Variants in RBM33 observed in about 807,000 individuals in gnomAD.
The protein encoded by RBM33 is RNA-binding protein 33.
In RBM33, 28 loss-of-function variants were observed where a neutral mutation model predicts 132.6. The ratio of observed to expected loss-of-function variants is 0.21; its 90% CI spans 0.16 to 0.29. The LOEUF (loss-of-function observed/expected upper bound fraction) is 0.29. Ranked by LOEUF, RBM33 falls within the 10% of genes least tolerant of loss-of-function variation. The pLI is 1.00. For synonymous variants in RBM33, 634 were observed against 593.0 expected, an observed-to-expected ratio of 1.07 and a Z score of -1.01; for missense variants, 1,291 against 1,518.5, an observed-to-expected ratio of 0.85 and a Z score of 2.49.
intron 3 of RBM33, among the ~76,000 whole-genome samples, chr7:155,675,461 T>A (rs7802190): frequency 6.6e-6 from 1 of 152,072 alleles, no homozygotes; most frequent in African/African-American, 2.4e-5. Context: ...CCCTAGTCAC[T>A]CCTGTGTACA....
chr7:155,656,308 A>C (rs1034251865), intron 1 of RBM33, among the ~76,000 whole-genome samples: 2 of 152,222 alleles, frequency 1.3e-5, no homozygotes, highest in African/African-American at 4.8e-5. Context: ...TGACCACTGC[A>C]TGGTGGCACA....
chr7:155,686,843 T>A (rs1585437720), intron 5 of RBM33, among the ~76,000 whole-genome samples: 1 of 152,306 alleles, frequency 6.6e-6, no homozygotes, highest in East Asian at 1.9e-4. Flanking sequence ...TATTCCATGG[T>A]GTATATGTGC....
At position 155,774,982 on chromosome 7, in the gene RBM33, A is replaced by G. The variant is rs1185676457; in HGVS notation, c.3465-11A>G. On this transcript the variant is annotated splice_polypyrimidine_tract_variant and intron_variant, in intron 17 of 17. Transcript: ENST00000401878. This position sits in a 1 kb window ranked among gnomAD's most constrained non-coding sequence, Gnocchi z 4.2. ...AGGGTTAGTGTCGATCGTTTCTTTAAATTTTCACAGGCATATGATAGATTT... is the reference window on the plus strand; with the variant it reads ...AGGGTTAGTGTCGATCGTTTCTTTAGATTTTCACAGGCATATGATAGATTT... 6.2e-7 allele frequency: 1 copy of G among 1,613,686 alleles called. No homozygotes were observed. Among genetic ancestry groups the G allele is most frequent in the Non-Finnish European group, 8.5e-7 (1 of 1,179,648 alleles).
Position 155,680,757 on chromosome 7 carries a change from C to T in RBM33, c.416C>T (p.Thr139Ile), listed in dbSNP as rs768647239. The T allele has an allele frequency of 6.2e-7, 1 of 1,613,588 alleles. No homozygotes were observed. Among genetic ancestry groups the T allele is most frequent in the Non-Finnish European group, 8.5e-7 (1 of 1,179,724 alleles). ...YHKSDGSELY[T>I]QEYPEEGQYE... is the part of the protein sequence containing the mutation. ...AAATCTGATGGATCAGAATTGTATA[C>T]TCAAGAGTACCCAGAAGAAGGACAG... Residue 139 changes from threonine to isoleucine, a missense_variant, in exon 5 of 18, where the codon ACT (threonine) becomes ATT (isoleucine). Coordinates refer to ENST00000401878, the MANE Select transcript of RBM33 (RefSeq NM_053043.3).
At chr7:155,665,292 ATC>A in intron 2 of RBM33, 39 bp downstream of exon 2, 1 of 1,567,474 alleles carries the variant, frequency 6.4e-7, no homozygotes, top group Non-Finnish European at 8.8e-7. Flanking sequence ...GCCTGTGCCG[ATC>A]TCTCTCATTC....
rs946047150 is a variant in RBM33 at position 155,778,576 on chromosome 7, C to T, written c.*3535C>T. 3 of 152,234 alleles carry T rather than the reference C, an allele frequency of 2.0e-5. No homozygotes were observed. Among genetic ancestry groups the T allele is most frequent in the African/African-American group, 7.2e-5 (3 of 41,398 alleles). The allele number at this position is 152,234 out of a possible 1,614,324, so 9.4% of individuals were successfully genotyped here. ...CCTTGGGCCAGGGTGTTTGGCGGCA[C>T]AGGGGCATCCGCTGGATGGCCTGGA... On this transcript the variant is annotated 3_prime_UTR_variant, in exon 18 of 18. Coordinates refer to ENST00000401878, the MANE Select transcript of RBM33 (RefSeq NM_053043.3). This position sits in a 1 kb window ranked among gnomAD's most constrained non-coding sequence, Gnocchi z 4.0.
intron 5 of RBM33, among the ~76,000 whole-genome samples, chr7:155,692,194 T>C (rs1799663679): frequency 6.6e-6 from 1 of 152,082 alleles, no homozygotes; most frequent in Admixed American, 6.6e-5. Context: ...TATGAAAATA[T>C]ATTCAGTAAA....
intron 5 of RBM33, among the ~76,000 whole-genome samples, chr7:155,681,164 A>C (rs553623182): frequency 1.3e-5 from 2 of 152,348 alleles, no homozygotes; most frequent in East Asian, 3.9e-4. Context: ...AAGGAAGAAA[A>C]CAGCTTTGTG....
At chr7:155,748,653 T>A (rs2117042536) in intron 14 of RBM33, among the ~76,000 whole-genome samples, 1 of 152,290 alleles carries the variant, frequency 6.6e-6, no homozygotes, top group Non-Finnish European at 1.5e-5. Context: ...TGAGAGAGGC[T>A]GAGTCTTAAG....
At chr7:155,694,010 G>A (rs905338135) in intron 5 of RBM33, among the ~76,000 whole-genome samples, 4 of 152,008 alleles carry the variant, frequency 2.6e-5, no homozygotes, top group African/African-American at 9.7e-5. Context: ...CATTGTTGCC[G>A]AGCATCCTGT....
intron 9 of RBM33, among the ~76,000 whole-genome samples, chr7:155,732,186 G>A (rs1800975032): frequency 6.6e-6 from 1 of 152,204 alleles, no homozygotes; most frequent in African/African-American, 2.4e-5. Context: ...GAGAGTGGCA[G>A]TGTGTAATTA....
intron 9 of RBM33, among the ~76,000 whole-genome samples, chr7:155,722,502 T>A (rs1800658400): frequency 6.6e-6 from 1 of 152,250 alleles, no homozygotes; most frequent in African/African-American, 2.4e-5. Context: ...ATTAAATTAA[T>A]CTAATTGGTT....
chr7:155,681,423 A>G (rs1271687805), intron 5 of RBM33, among the ~76,000 whole-genome samples: 10 of 152,302 alleles, frequency 6.6e-5, no homozygotes, highest in Non-Finnish European at 1.3e-4. Flanking sequence ...TTCGTTATCT[A>G]TAATCAGGAA....
At chr7:155,673,793 CA>C (rs1563138150) in intron 3 of RBM33, among the ~76,000 whole-genome samples, 24 of 144,192 alleles carry the variant, frequency 1.7e-4, no homozygotes, top group African/African-American at 4.6e-4. Context: ...CACACACACA[CA>C]CACACACCCC....
chr7:155,706,450 C>T lies in RBM33; in HGVS notation c.740-410C>T, dbSNP rs953471135. On this transcript the variant is annotated intron_variant, in intron 6 of 17. Transcript: ENST00000401878. Reference sequence around the variant, plus strand: ...TGGAGGTTGCAGCGAGCAGAGATCACGCCACTGTGCTCTAGCCAGGGCAAC... The same window carrying T: ...TGGAGGTTGCAGCGAGCAGAGATCATGCCACTGTGCTCTAGCCAGGGCAAC... Among the ~76,000 whole-genome samples the T allele has an allele frequency of 5.9e-5, 9 of 151,588 alleles. 1 individual carries two copies. The highest frequency in any genetic ancestry group is 4.6e-4 in the Admixed American group (7 of 15,200).
chr7:155,711,172 G>A (rs1307486111), intron 7 of RBM33, 31 bp from the exon 8 acceptor site: 1 of 1,463,222 alleles, frequency 6.8e-7, no homozygotes, highest in African/African-American at 1.5e-5. Context: ...GTGATTTGTA[G>A]ACTCATTCTC....
At chr7:155,671,482 A>G (rs1585417105) in intron 2 of RBM33, among the ~76,000 whole-genome samples, 1 of 152,304 alleles carries the variant, frequency 6.6e-6, no homozygotes, top group East Asian at 1.9e-4. Context: ...GAATTAAATG[A>G]TTTGTCAGGT....
chr7:155,696,780 C>T (rs531047177), intron 5 of RBM33, among the ~76,000 whole-genome samples: 1 of 152,320 alleles, frequency 6.6e-6, no homozygotes, highest in Non-Finnish European at 1.5e-5. Context: ...AGGACCCAAG[C>T]CACATAACCC....
chr7:155,680,983 C>A, intron 5 of RBM33, 75 bp downstream of exon 5: 1 of 1,195,938 alleles, frequency 8.4e-7, no homozygotes. Flanking sequence ...GATTTGAAAT[C>A]TATTTACCTC....
Sources: allele counts gnomAD v4.1 joint callset (sites outside exome capture counted in the v4.1 genomes callset), GRCh38; gene constraint gnomAD v4.1.1; non-coding constraint Gnocchi (gnomAD v3.1); transcripts MANE v1.5; gene names NCBI Gene and HGNC (gene_info 2026-07-23, HGNC 2026-07-21).